The following STPG2 variants were observed in gnomAD, a reference collection of about 807,000 sequenced individuals.
STPG2 encodes sperm-tail PG-rich repeat-containing protein 2.
STPG2 carries 56 observed loss-of-function variants against 54.2 expected under a neutral mutation model. The observed-to-expected ratio is 1.03, with a 90% CI of 0.83 to 1.29. The LOEUF (loss-of-function observed/expected upper bound fraction) is 1.29. STPG2 is among the 50% of genes most tolerant of loss of function. The pLI is 0.00. For synonymous variants in STPG2, 200 were observed against 181.8 expected (o/e 1.10, Z -0.81); for missense variants, 596 against 544.9 (o/e 1.09, Z -0.93).
rs183972679 is a variant in STPG2, at chr4:97,763,118, T to C, written c.1205-50304A>G. Among the ~76,000 whole-genome samples, 77 of 152,308 alleles carry C rather than the reference T, an allele frequency of 5.1e-4. No individual in the cohort carries two copies. The Middle Eastern group carries it at 0.024, about 47-fold the overall frequency. ...ATTCTCAGTGGGTACTATGTTTGTG[T>C]TCAATTGACTTAGCATGGAGGATGT... On this transcript the variant is annotated intron_variant, in intron 9 of 10. Coordinates refer to ENST00000295268, the MANE Select transcript of STPG2 (RefSeq NM_174952.3).
At chr4:97,986,848 A>G (rs1399742180) in intron 5 of STPG2, among the ~76,000 whole-genome samples, 1 of 152,156 alleles carries the variant, frequency 6.6e-6, no homozygotes, top group Non-Finnish European at 1.5e-5. Flanking sequence ...CACTATGCCT[A>G]TTAGACTCTA....
intron 9 of STPG2, among the ~76,000 whole-genome samples, chr4:97,755,926 A>G (rs1725714371): frequency 1.3e-5 from 2 of 152,250 alleles, no homozygotes; most frequent in African/African-American, 2.4e-5. Flanking sequence ...TATTCATGGC[A>G]CTAGCAGGTC....
chr4:97,569,416 T>G (rs1393023140), intron 10 of STPG2, among the ~76,000 whole-genome samples: 1 of 152,174 alleles, frequency 6.6e-6, no homozygotes, highest in African/African-American at 2.4e-5. Flanking sequence ...TGACCTGTAC[T>G]TTGTGCTGAC....
intron 10 of STPG2, among the ~76,000 whole-genome samples, chr4:97,671,191 AT>A (rs1722684873): frequency 2.0e-5 from 3 of 152,234 alleles, no homozygotes; most frequent in African/African-American, 7.2e-5. Flanking sequence ...TTAAAAAAGG[AT>A]CAAAGGATTC....
At chr4:97,626,594 A>G (rs1039713163) in intron 10 of STPG2, among the ~76,000 whole-genome samples, 2 of 152,086 alleles carry the variant, frequency 1.3e-5, no homozygotes, top group Non-Finnish European at 2.9e-5. Context: ...AAAATATTCT[A>G]GTATTTATGG....
intron 7 of STPG2, among the ~76,000 whole-genome samples, chr4:97,956,528 A>G (rs560646742): frequency 3.3e-5 from 5 of 152,274 alleles, no homozygotes; most frequent in South Asian, 4.2e-4. Context: ...GAAAGCTGAG[A>G]GAACACACAG....
chr4:97,524,900 A>C (rs1298696809), intron 4 of STPG2, among the ~76,000 whole-genome samples: 1 of 151,988 alleles, frequency 6.6e-6, no homozygotes, highest in East Asian at 1.9e-4. Flanking sequence ...TCAGTGCCTC[A>C]AACTGATTGA....
At chr4:97,573,330 C>A (rs918581340) in intron 10 of STPG2, among the ~76,000 whole-genome samples, 1 of 151,894 alleles carries the variant, frequency 6.6e-6, no homozygotes, top group Admixed American at 6.6e-5. Flanking sequence ...AGCTCTACAA[C>A]TCAATAGCAT....
rs752643183 is a variant in STPG2 at position 97,972,422 on chromosome 4, A to G, written c.791T>C (p.Val264Ala). The G allele has an allele frequency of 6.4e-7, 1 of 1,555,892 alleles. No individual in the cohort carries two copies. Among genetic ancestry groups the G allele is most frequent in the South Asian group, 1.2e-5 (1 of 81,532 alleles). ...ACTGGCAATTATAGTATTGTTCAAG[A>G]CATTATAAAATCCAGGACCTAAAAT... Reference protein sequence around the residue: ...EEMPGPGFYNVLNNTIIASVR... With the variant: ...EEMPGPGFYNALNNTIIASVR... The change falls in exon 7 of 11, where the codon GTC (valine) becomes GCC (alanine). Residue 264 changes from valine (V) to alanine (A), a missense_variant. Coordinates refer to ENST00000295268, the MANE Select transcript of STPG2 (RefSeq NM_174952.3).
At chr4:97,844,996 T>A (rs1044732396) in intron 8 of STPG2, among the ~76,000 whole-genome samples, 5 of 151,994 alleles carry the variant, frequency 3.3e-5, no homozygotes, top group African/African-American at 1.2e-4. Flanking sequence ...ACTTTACAAC[T>A]CTAGAATTAT....
chr4:97,895,855 A>G (rs758637889), intron 8 of STPG2, among the ~76,000 whole-genome samples: 2 of 151,808 alleles, frequency 1.3e-5, no homozygotes, highest in Non-Finnish European at 3.0e-5. Flanking sequence ...TCCCTTGCCC[A>G]TATCCCAAGG....
chr4:97,992,988 C>T (rs1735069705), intron 5 of STPG2, among the ~76,000 whole-genome samples: 1 of 152,104 alleles, frequency 6.6e-6, no homozygotes, highest in Non-Finnish European at 1.5e-5. Context: ...TTGGATGAAT[C>T]TTTCAGGTCT....
At chr4:97,967,433 ATAG>A (rs1214212149) in intron 7 of STPG2, among the ~76,000 whole-genome samples, 4 of 152,148 alleles carry the variant, frequency 2.6e-5, no homozygotes, top group Non-Finnish European at 5.9e-5. Flanking sequence ...CCCACTGTCA[ATAG>A]TAGACATATC....
At chr4:97,879,957 T>C (rs952624878) in intron 8 of STPG2, among the ~76,000 whole-genome samples, 1 of 152,180 alleles carries the variant, frequency 6.6e-6, no homozygotes, top group Non-Finnish European at 1.5e-5. Context: ...AGTATATATC[T>C]AAAGGAACTG....
At chr4:97,617,291 C>T (rs1353324713) in intron 10 of STPG2, among the ~76,000 whole-genome samples, 1 of 151,634 alleles carries the variant, frequency 6.6e-6, no homozygotes, top group East Asian at 1.9e-4. Context: ...CCATTACAAG[C>T]CTAAAAAAAA....
At chr4:97,617,831 A>G (rs1733912850) in intron 10 of STPG2, among the ~76,000 whole-genome samples, 1 of 152,082 alleles carries the variant, frequency 6.6e-6, no homozygotes, top group African/African-American at 2.4e-5. Flanking sequence ...ATAGAGGGAG[A>G]TACATATGCT....
chr4:97,839,952 T>C (rs1047910515), intron 9 of STPG2, among the ~76,000 whole-genome samples: 7 of 151,658 alleles, frequency 4.6e-5, no homozygotes, highest in African/African-American at 1.7e-4. Context: ...CTGTAATTTA[T>C]TGTTGAAAAT....
At chr4:97,887,163 G>A (rs1457388772) in intron 8 of STPG2, among the ~76,000 whole-genome samples, 1 of 152,194 alleles carries the variant, frequency 6.6e-6, no homozygotes, top group Non-Finnish European at 1.5e-5. Flanking sequence ...GGAACCAGAA[G>A]TGGGGTATTA....
chr4:97,571,282 T>C (rs146509825), intron 10 of STPG2, among the ~76,000 whole-genome samples: 8 of 152,134 alleles, frequency 5.3e-5, no homozygotes, highest in African/African-American at 1.9e-4. Flanking sequence ...CTAGTATCCA[T>C]AAACCAAAAA....
Sources: gnomAD v4.1 joint callset for allele counts (sites outside exome capture counted in the v4.1 genomes callset) on GRCh38, gnomAD v4.1.1 for gene constraint, MANE v1.5 for transcripts, NCBI Gene and HGNC (gene_info 2026-07-23, HGNC 2026-07-21) for gene names.